Variants in IFNGR1 observed in about 807,000 individuals in gnomAD.
IFNGR1 encodes AVP, type 2.
Under a neutral mutation model 35.4 loss-of-function variants are expected in IFNGR1, and 23 were observed. The ratio of observed to expected loss-of-function variants is 0.65; its 90% CI spans 0.47 to 0.92. The LOEUF is 0.92. Ranked by LOEUF, IFNGR1 falls within the 40% of genes least tolerant of loss-of-function variation. The pLI, the probability that IFNGR1 is intolerant of heterozygous loss-of-function variation, is 0.00. For synonymous variants in IFNGR1, 199 were observed against 209.5 expected (o/e 0.95, Z 0.43); for missense variants, 533 against 583.4 (o/e 0.91, Z 0.89).
chr6:137,218,703 T>G, intron 1 of IFNGR1: 1 of 350,960 alleles, frequency 2.8e-6, no homozygotes, highest in Admixed American at 3.9e-5. Context: ...GGAGATCCGT[T>G]CTGAGAAATG....
intron 1 of IFNGR1, chr6:137,210,027 TA>T: frequency 2.5e-6 from 1 of 395,712 alleles, no homozygotes; most frequent in Non-Finnish European, 4.5e-6. Flanking sequence ...TTTTAACATC[TA>T]ATCAGACACT....
At chr6:137,201,106 A>G in intron 5 of IFNGR1, 98 bp from the exon 6 acceptor site, 1 of 1,284,994 alleles carries the variant, frequency 7.8e-7, no homozygotes. Context: ...TTTACAAATT[A>G]GTGAATAGGG....
intron 2 of IFNGR1, chr6:137,206,627 T>TA: frequency 2.6e-6 from 1 of 389,162 alleles, no homozygotes; most frequent in East Asian, 4.8e-5. Flanking sequence ...GTAAGCACAT[T>TA]AAAAAAACTA....
chr6:137,216,180 T>C (rs1267129490), intron 1 of IFNGR1, among the ~76,000 whole-genome samples: 1 of 152,126 alleles, frequency 6.6e-6, no homozygotes. Flanking sequence ...TAGTGAAAAA[T>C]TTAAACAGTA....
Sources: allele counts gnomAD v4.1 joint callset (sites outside exome capture counted in the v4.1 genomes callset), GRCh38; gene constraint gnomAD v4.1.1; transcripts MANE v1.5; gene names NCBI Gene and HGNC (gene_info 2026-07-23, HGNC 2026-07-21).